The following DHRS4 variants were observed in gnomAD, a reference collection of about 807,000 sequenced individuals.
DHRS4 encodes the protein dehydrogenase/reductase 4.
DHRS4 carries 20 observed loss-of-function variants against 28.4 expected under a neutral mutation model. The ratio of observed to expected loss-of-function variants is 0.71; its 90% CI spans 0.50 to 1.02. The LOEUF is 1.02. Among genes scored for constraint, DHRS4 ranks in the 50% least tolerant of loss-of-function variants. DHRS4 has a pLI of 0.00. For synonymous variants in DHRS4, 144 were observed against 146.4 expected (o/e 0.98, Z 0.12); for missense variants, 378 against 367.2 (o/e 1.03, Z -0.24).
intron 2 of DHRS4, among the ~76,000 whole-genome samples, chr14:23,957,029 G>A (rs913539029): frequency 6.6e-6 from 1 of 152,184 alleles, no homozygotes; most frequent in Non-Finnish European, 1.5e-5. Flanking sequence ...ATGGTTATTA[G>A]GAAAGCTAAT....
chr14:23,966,024 C>T (rs1566477070), intron 5 of DHRS4, 41 bp downstream of exon 5: 6 of 1,608,582 alleles, frequency 3.7e-6, no homozygotes, highest in Non-Finnish European at 5.1e-6. Context: ...CCACCCTCCA[C>T]TCCACATCTT....
chr14:23,961,435 T>C (rs2138453913), intron 3 of DHRS4, among the ~76,000 whole-genome samples: 1 of 128,398 alleles, frequency 7.8e-6, no homozygotes, highest in Middle Eastern at 3.5e-3. Context: ...TTAAACCGTC[T>C]TTTCTTCAAA....
intron 7 of DHRS4, among the ~76,000 whole-genome samples, chr14:23,968,458 G>C (rs112184561): frequency 6.7e-6 from 1 of 150,078 alleles, no homozygotes; most frequent in Admixed American, 6.6e-5. Flanking sequence ...TGAAATAATT[G>C]CTCACCATTT....
At chr14:23,967,463 C>G in intron 7 of DHRS4, 197 bp downstream of exon 7, 1 of 1,042,254 alleles carries the variant, frequency 9.6e-7, no homozygotes, top group Non-Finnish European at 1.5e-6. Context: ...AAGGTAAACA[C>G]AGAGACATCG....
intron 3 of DHRS4, 104 bp downstream of exon 3, chr14:23,960,107 G>A: frequency 8.9e-7 from 1 of 1,118,482 alleles, no homozygotes; most frequent in Non-Finnish European, 1.3e-6. Context: ...CAGTGTAAAT[G>A]TGAGGACTCT....
intron 5 of DHRS4, 69 bp from the exon 6 acceptor site, chr14:23,966,214 T>C (rs2033611576): frequency 6.3e-7 from 1 of 1,581,284 alleles, no homozygotes; most frequent in Non-Finnish European, 8.6e-7. Context: ...CACTGCCCTC[T>C]ATGTCTAGTT....
chr14:23,953,978 A>G, intron 1 of DHRS4, 62 bp downstream of exon 1: 1 of 1,544,282 alleles, frequency 6.5e-7, no homozygotes, highest in Non-Finnish European at 8.7e-7. Flanking sequence ...CTGGCCTCTC[A>G]TCCTCGGCCT....
At chr14:23,968,668 G>A (rs1272274818) in intron 7 of DHRS4, 89 bp from the exon 8 acceptor site, 5 of 1,554,830 alleles carry the variant, frequency 3.2e-6, no homozygotes, top group Non-Finnish European at 8.7e-7. Context: ...GATAATTCTT[G>A]ATTAAGCAAA....
chr14:23,955,750 G>A (rs1249820255), intron 2 of DHRS4, among the ~76,000 whole-genome samples: 1 of 152,200 alleles, frequency 6.6e-6, no homozygotes, highest in South Asian at 2.1e-4. Flanking sequence ...AGCCAGTAAG[G>A]AAAGACCCAG....
intron 7 of DHRS4, chr14:23,967,538 C>G: frequency 1.4e-6 from 1 of 690,050 alleles, no homozygotes; most frequent in Non-Finnish European, 2.7e-6. Flanking sequence ...GGGATTGCCT[C>G]CACCTCTGAG....
At chr14:23,961,529 C>CT (rs546435038) in intron 3 of DHRS4, among the ~76,000 whole-genome samples, 25,785 of 90,480 alleles carry the variant, frequency 0.28, 3,990 homozygotes, top group East Asian at 0.47. Context: ...GTCTTTTTTC[C>CT]TTTTTTTTTT....
At chr14:23,956,476 C>T (rs1393820758) in intron 2 of DHRS4, among the ~76,000 whole-genome samples, 1 of 152,060 alleles carries the variant, frequency 6.6e-6, no homozygotes. Context: ...AATGAGCAGA[C>T]AGCCAAGGAG....
Position 23,955,040 on chromosome 14 carries a change from G to C in DHRS4, c.134G>C (p.Gly45Ala). 6.2e-7 allele frequency: 1 copy of C among 1,614,168 alleles called. No individual in the cohort carries two copies. The highest frequency in any genetic ancestry group is 8.5e-7 in the Non-Finnish European group (1 of 1,179,986). The change falls in exon 2 of 8, where the codon GGC (glycine) becomes GCC (alanine). Residue 45 changes from glycine (G) to alanine (A), a missense_variant. Physicochemically the swap from Gly to Ala is moderately conservative, Grantham distance 60 (BLOSUM62 0). Coordinates refer to ENST00000313250, the MANE Select transcript of DHRS4 (RefSeq NM_021004.4). ...ALVTASTDGI[G>A]FAIARRLAQD... ...TTGTCTCTTTCTGCTCACAGGATCG[G>C]CTTCGCCATCGCCCGGCGTTTGGCC...
At chr14:23,965,101 C>T (rs2033569486) in intron 3 of DHRS4, among the ~76,000 whole-genome samples, 1 of 151,116 alleles carries the variant, frequency 6.6e-6, no homozygotes, top group Admixed American at 6.6e-5. Context: ...TCCAATTTTT[C>T]TGTAAGATTG....
In DHRS4 at chr14:23,954,126, T is replaced by G. The variant is rs2138420975; in HGVS notation, c.128+210T>G. 5 of 728,722 alleles carry G rather than the reference T, an allele frequency of 6.9e-6. No individual in the cohort carries two copies. The East Asian group carries it at 1.4e-4, about 21-fold the overall frequency. The allele number at this position is 728,722 out of a possible 1,614,324, so 45.1% of individuals were successfully genotyped here. On this transcript the variant is annotated intron_variant, in intron 1 of 7. Coordinates refer to ENST00000313250, the MANE Select transcript of DHRS4 (RefSeq NM_021004.4). ...TGCCAGCCCTCCTGTCCCTGCTACC[T>G]CTGGCACAACTGTGCCACCTCTGTG... is the stretch of plus-strand genomic sequence containing the variant.
chr14:23,964,897 T>C (rs540876679), intron 3 of DHRS4, among the ~76,000 whole-genome samples: 5 of 150,964 alleles, frequency 3.3e-5, no homozygotes, highest in African/African-American at 1.2e-4. Context: ...TTTTTTTTTT[T>C]AATTTACATT....
intron 2 of DHRS4, among the ~76,000 whole-genome samples, chr14:23,958,699 TC>T (rs2033274802): frequency 6.6e-6 from 1 of 152,210 alleles, no homozygotes. Context: ...ATCACGGCTC[TC>T]CTGGGCAACC....
chr14:23,962,823 A>G (rs1405107538), intron 3 of DHRS4, among the ~76,000 whole-genome samples: 5 of 150,242 alleles, frequency 3.3e-5, no homozygotes, highest in South Asian at 2.1e-4. Context: ...ATCACTATCC[A>G]TGGCAGCTAT....
At chr14:23,954,950 C>A (rs2033043677) in intron 1 of DHRS4, 85 bp from the exon 2 acceptor site, 24 of 1,576,394 alleles carry the variant, frequency 1.5e-5, no homozygotes, top group Non-Finnish European at 2.0e-5. Context: ...GAATTCAAAC[C>A]CGGGCAGTCT....
Sources: gnomAD v4.1 joint callset for allele counts (sites outside exome capture counted in the v4.1 genomes callset) on GRCh38, gnomAD v4.1.1 for gene constraint, MANE v1.5 for transcripts, NCBI Gene and HGNC (gene_info 2026-07-23, HGNC 2026-07-21) for gene names.